The following CHFR variants were observed in gnomAD, a reference collection of about 807,000 sequenced individuals.
The protein encoded by CHFR is checkpoint with forkhead and ring finger domains, also known as E3 ubiquitin-protein ligase CHFR.
Under a neutral mutation model 87.6 loss-of-function variants are expected in CHFR, and 57 were observed. The observed-to-expected ratio is 0.65, with a 90% CI of 0.53 to 0.81. CHFR has a LOEUF of 0.81. Ranked by LOEUF, CHFR falls within the 30% of genes least tolerant of loss-of-function variation. CHFR has a pLI of 0.00. For synonymous variants in CHFR, 381 were observed against 359.2 expected (o/e 1.06, Z -0.69); for missense variants, 797 against 865.8 (o/e 0.92, Z 1.00).
chr12:132,877,707 A>C, intron 2 of CHFR, 53 bp from the exon 3 acceptor site: 1 of 1,158,158 alleles, frequency 8.6e-7, no homozygotes, highest in Admixed American at 2.1e-5. Flanking sequence ...AACTGTGAAC[A>C]CTACTGCACT....
At chr12:132,866,457 G>C (rs1951340054) in intron 6 of CHFR, 2 of 151,616 alleles carry the variant, frequency 1.3e-5, no homozygotes, top group Non-Finnish European at 2.9e-5. Context: ...AACACACCGG[G>C]AATGTTACAA....
At chr12:132,853,293 A>C in intron 11 of CHFR, 138 bp downstream of exon 11, 1 of 882,394 alleles carries the variant, frequency 1.1e-6, no homozygotes, top group Non-Finnish European at 1.6e-6. Flanking sequence ...GTGCAGGGAG[A>C]CCAATGAGGC....
intron 6 of CHFR, among the ~76,000 whole-genome samples, chr12:132,863,701 G>C (rs78929140): frequency 6.6e-6 from 1 of 152,162 alleles, no homozygotes. Flanking sequence ...CCACGAGCAA[G>C]AAGCCAGAGT....
intron 3 of CHFR, among the ~76,000 whole-genome samples, chr12:132,874,828 G>A (rs1193491097): frequency 6.8e-6 from 1 of 147,978 alleles, no homozygotes; most frequent in Admixed American, 6.7e-5. Flanking sequence ...AGGCGGGACT[G>A]CCCAGGACCA....
intron 11 of CHFR, among the ~76,000 whole-genome samples, chr12:132,852,147 A>G (rs1332951897): frequency 7.0e-6 from 1 of 143,524 alleles, no homozygotes; most frequent in African/African-American, 2.5e-5. Context: ...CGCCTGGCTA[A>G]TTTTTTTTTT....
In CHFR at chr12:132,838,906, G is replaced by A. The variant is rs1286363295; in HGVS notation, c.*2648C>T. 11 of 152,506 alleles carry A rather than the reference G, an allele frequency of 7.2e-5. No individual in the cohort carries two copies. Among genetic ancestry groups the A allele is most frequent in the Admixed American group, 6.5e-4 (10 of 15,278 alleles). 9.4% of individuals were successfully genotyped at this position (152,506 alleles called of 1,614,324 possible). A position where few individuals can be genotyped will look rare whatever the true frequency, so the allele number is the denominator to read the frequency against. On this transcript the variant is annotated 3_prime_UTR_variant, in exon 18 of 18. Transcript: ENST00000450056. ...TCCATAAAACACGGCTCCTTACCAC[G>A]CTGGGAGGATAACTGCCCTGCTCCC... is the stretch of plus-strand genomic sequence containing the variant.
intron 9 of CHFR, 66 bp from the exon 10 acceptor site, chr12:132,856,696 C>T (rs1191508587): frequency 1.9e-6 from 3 of 1,540,008 alleles, no homozygotes; most frequent in Middle Eastern, 3.4e-4. Context: ...ACAGCTCACA[C>T]TGCTGGGAGC....
chr12:132,856,422 C>G (rs370149987), intron 10 of CHFR, 46 bp downstream of exon 10: 15 of 1,602,812 alleles, frequency 9.4e-6, no homozygotes, highest in Non-Finnish European at 1.3e-5. Context: ...GGTTGTGATG[C>G]TCCTCTGGCT....
chr12:132,887,447 C>T, intron 1 of CHFR, 100 bp downstream of exon 1: 1 of 848,394 alleles, frequency 1.2e-6, no homozygotes, highest in Non-Finnish European at 1.4e-6. Context: ...GCCCACGCAG[C>T]CCCGCAGCCC....
At position 132,848,674 on chromosome 12, in the gene CHFR, T is replaced by C. The variant is rs979112170; in HGVS notation, c.1543A>G (p.Thr515Ala). 4.4e-6 allele frequency: 7 copies of C among 1,596,956 alleles called. No individual in the cohort carries two copies. The highest frequency in any genetic ancestry group is 6.0e-6 in the Non-Finnish European group (7 of 1,172,072). Residue 515 changes from threonine to alanine, a missense_variant, in exon 13 of 18, where the codon ACC becomes GCC. Transcript: ENST00000450056. ...GGGGCCAGGCAGCCGTAGCAGCCGG[T>C]CCGGGTGCAGCCCCAGTACAGGTGG... ...FCHLYWGCTR[T>A]GCYGCLAPFC... is the part of the protein sequence containing the mutation.
chr12:132,859,208 G>C lies in CHFR; in HGVS notation c.771C>G (p.Asn257Lys), dbSNP rs377318460. Reference protein sequence around the residue: ...KMRGDGDLDLNGQLLVAQPRR... With the variant: ...KMRGDGDLDLKGQLLVAQPRR... ...GCGGTTGTGCGACCAACAACTGCCC[G>C]TTCAGGTCAAGGTCCCCATCTACAG... Residue 257 changes from asparagine (N) to lysine (K), a missense_variant, in exon 8 of 18, where the codon AAC (asparagine) becomes AAG (lysine). This residue lies in a region of CHFR where 597 missense variants were observed against 601.2 expected (regional missense o/e 0.99). Coordinates refer to ENST00000450056, the MANE Select transcript of CHFR (RefSeq NM_001161346.2). 2 of 1,613,314 alleles carry C rather than the reference G, an allele frequency of 1.2e-6. No homozygotes were observed. Among genetic ancestry groups the C allele is most frequent in the African/African-American group, 1.3e-5 (1 of 75,028 alleles).
rs1950680726 is a variant in CHFR, at chr12:132,839,920, CT to C, written c.*1633del. On this transcript the variant is annotated 3_prime_UTR_variant, in exon 18 of 18. Transcript: ENST00000450056. ...CCTCACCCCTGCACAAACTTGGGAC[CT>C]CCCCCTTAGCCTCGCCCCTGCACTA... 1 of 164,482 alleles carries C rather than the reference CT, an allele frequency of 6.1e-6. No homozygotes were observed. Among genetic ancestry groups the C allele is most frequent in the African/African-American group, 2.5e-5 (1 of 39,500 alleles). The allele number at this position is 164,482 out of a possible 1,614,324, so 10.2% of individuals were successfully genotyped here. A position where few individuals can be genotyped will look rare whatever the true frequency, so the allele number is the denominator to read the frequency against.
At position 132,839,045 on chromosome 12, in the gene CHFR, G is replaced by A. The variant is rs1421889876; in HGVS notation, c.*2509C>T. 1 of 152,314 alleles carries A rather than the reference G, an allele frequency of 6.6e-6. No homozygotes were observed. Among genetic ancestry groups the A allele is most frequent in the Non-Finnish European group, 1.5e-5 (1 of 68,116 alleles). The allele number at this position is 152,314 out of a possible 1,614,324, so 9.4% of individuals were successfully genotyped here. On this transcript the variant is annotated 3_prime_UTR_variant, in exon 18 of 18. Transcript: ENST00000450056. Reference sequence around the variant, plus strand: ...CTTCTCTGAAGGACTAAGGAAGCAGGAGTGAGTCCCTAGGACACCTGGAGC... The same window carrying A: ...CTTCTCTGAAGGACTAAGGAAGCAGAAGTGAGTCCCTAGGACACCTGGAGC...
chr12:132,856,389 C>T (rs1951070847), intron 10 of CHFR, 79 bp downstream of exon 10: 2 of 1,487,366 alleles, frequency 1.3e-6, no homozygotes, highest in Admixed American at 3.4e-5. Context: ...ATGCTGTCCA[C>T]CCAGTAGTGA....
chr12:132,848,788 C>A, intron 12 of CHFR, 64 bp from the exon 13 acceptor site: 1 of 1,224,084 alleles, frequency 8.2e-7, no homozygotes, highest in South Asian at 1.3e-5. Flanking sequence ...CACAATTCGT[C>A]AGCACCAGGC....
intron 3 of CHFR, among the ~76,000 whole-genome samples, chr12:132,877,192 T>C (rs1212274887): frequency 6.6e-6 from 1 of 152,206 alleles, no homozygotes; most frequent in African/African-American, 2.4e-5. Flanking sequence ...TTTAGATAAA[T>C]ACTCTTACCA....
At chr12:132,883,442 A>AAG (rs1486142356) in intron 2 of CHFR, among the ~76,000 whole-genome samples, 3 of 141,412 alleles carry the variant, frequency 2.1e-5, no homozygotes, top group Non-Finnish European at 4.6e-5. Flanking sequence ...AAAAAAAAAA[A>AAG]AGACTGGGCG....
rs926776920 is a variant in CHFR at position 132,840,924 on chromosome 12, T to C, written c.*630A>G. On this transcript the variant is annotated 3_prime_UTR_variant, in exon 18 of 18. Transcript: ENST00000450056. ...TTTGGACATTGGAAGGTTTCTTTTTTTAATAAACAGAAGCATATGCTTATT... is the reference window on the plus strand; with the variant it reads ...TTTGGACATTGGAAGGTTTCTTTTTCTAATAAACAGAAGCATATGCTTATT... 1 of 152,548 alleles carries C rather than the reference T, an allele frequency of 6.6e-6. No individual in the cohort carries two copies. Among genetic ancestry groups the C allele is most frequent in the Non-Finnish European group, 1.5e-5 (1 of 68,054 alleles). The allele number at this position is 152,548 out of a possible 1,614,324, so 9.4% of individuals were successfully genotyped here.
At position 132,847,068 on chromosome 12, in the gene CHFR, G is replaced by T; in HGVS notation, c.1710C>A (p.Leu570=). Residue 570 remains leucine, a synonymous_variant, in exon 15 of 18, where the codon CTC becomes CTA. Coordinates refer to ENST00000450056, the MANE Select transcript of CHFR (RefSeq NM_001161346.2). ...CAGACAGCAGAAACACTCCCCGCTG[G>T]AGAGCCACGAGGCTCTCGGTCAACA... is the stretch of plus-strand genomic sequence containing the variant. ...KNMLTESLVA[L]QRGVFLLSDY... The T allele has an allele frequency of 6.2e-7, 1 of 1,613,632 alleles. No individual in the cohort carries two copies. The highest frequency in any genetic ancestry group is 8.5e-7 in the Non-Finnish European group (1 of 1,179,744).
Sources: allele counts gnomAD v4.1 joint callset (sites outside exome capture counted in the v4.1 genomes callset), GRCh38; gene constraint gnomAD v4.1.1; regional missense constraint gnomAD v4.1.1; transcripts MANE v1.5; gene names NCBI Gene and HGNC (gene_info 2026-07-23, HGNC 2026-07-21).